PBX4: variants seen among roughly 807,000 people sequenced by gnomAD.
The protein encoded by PBX4 is PBX homeobox 4, also known as pre-B-cell leukemia transcription factor 4.
PBX4 carries 26 observed loss-of-function variants against 35.1 expected under a neutral mutation model. The observed-to-expected ratio is 0.74, with a 90% CI of 0.54 to 1.03. The LOEUF is 1.03. PBX4 is among the 50% of genes least tolerant of loss of function. PBX4 has a pLI of 0.00. For synonymous variants in PBX4, 199 were observed against 204.2 expected (o/e 0.97, Z 0.22); for missense variants, 448 against 504.3 (o/e 0.89, Z 1.07).
intron 1 of PBX4, among the ~76,000 whole-genome samples, chr19:19,614,614 C>T (rs756417600): frequency 9.9e-5 from 15 of 152,080 alleles, no homozygotes; most frequent in Middle Eastern, 3.4e-3. Context: ...CCAGCCTGAT[C>T]GCGCCACTGC....
Position 19,569,543 on chromosome 19 carries a change from A to C in PBX4, c.674T>G (p.Leu225Arg). 6.2e-7 allele frequency: 1 copy of C among 1,613,894 alleles called. No individual in the cohort carries two copies. The highest frequency in any genetic ancestry group is 8.5e-7 in the Non-Finnish European group (1 of 1,179,898). The change falls in exon 5 of 8, where the codon CTG becomes CGG. Residue 225 changes from leucine to arginine, a missense_variant. Transcript: ENST00000251203. Reference protein sequence around the residue: ...RNFSKQATEVLNEYFYSHLNN... With the variant: ...RNFSKQATEVRNEYFYSHLNN... ...CAGATGGGAGTAAAAATACTCATTC[A>C]GCACTTCCGTCGCCTGCTTGCTGAA...
At chr19:19,574,910 C>T (rs1470151138) in intron 2 of PBX4, among the ~76,000 whole-genome samples, 1 of 152,014 alleles carries the variant, frequency 6.6e-6, no homozygotes, top group East Asian at 1.9e-4. Context: ...GTCTCGAACT[C>T]CTAACTTCAG....
chr19:19,616,121 C>T (rs906351457), intron 1 of PBX4, among the ~76,000 whole-genome samples: 5 of 152,080 alleles, frequency 3.3e-5, no homozygotes, highest in Non-Finnish European at 7.4e-5. Flanking sequence ...GGACTTCAGT[C>T]CTTTCCTTTC....
chr19:19,561,882 G>A lies in PBX4; in HGVS notation c.*143C>T, dbSNP rs1301816154. The A allele has an allele frequency of 1.8e-5, 11 of 612,496 alleles. No homozygotes were observed. Among genetic ancestry groups the A allele is most frequent in the African/African-American group, 3.8e-5 (2 of 53,012 alleles). The allele number at this position is 612,496 out of a possible 1,614,324, so 37.9% of individuals were successfully genotyped here. On this transcript the variant is annotated 3_prime_UTR_variant, in exon 8 of 8. Coordinates refer to ENST00000251203, the MANE Select transcript of PBX4 (RefSeq NM_025245.3). ...CAGCAGACACATGAGCCGGCGCCAC[G>A]GGCCTGGCTGAGGAGCAGGGGCTCA... is the stretch of plus-strand genomic sequence containing the variant.
intron 2 of PBX4, chr19:19,579,734 G>C (rs2061442182): frequency 6.6e-6 from 1 of 152,400 alleles, no homozygotes; most frequent in Admixed American, 6.5e-5. Context: ...CCCCAGTTGT[G>C]AACGGAGCTG....
At chr19:19,583,027 A>G (rs188791380) in intron 2 of PBX4, among the ~76,000 whole-genome samples, 1 of 152,356 alleles carries the variant, frequency 6.6e-6, no homozygotes, top group Non-Finnish European at 1.5e-5. Context: ...CCAGCAAGAG[A>G]GCGGAGGTGG....
chr19:19,594,707 G>A (rs1010689300), intron 2 of PBX4, among the ~76,000 whole-genome samples: 1 of 152,132 alleles, frequency 6.6e-6, no homozygotes, highest in African/African-American at 2.4e-5. Flanking sequence ...ACAGCTTCCT[G>A]AGACTACAGT....
chr19:19,561,958 G>T lies in PBX4; in HGVS notation c.*67C>A. The T allele has an allele frequency of 7.0e-7, 1 of 1,419,720 alleles. No individual in the cohort carries two copies. The highest frequency in any genetic ancestry group is 9.7e-7 in the Non-Finnish European group (1 of 1,031,978). 87.9% of individuals were successfully genotyped at this position (1,419,720 alleles called of 1,614,324 possible). A position where few individuals can be genotyped will look rare whatever the true frequency, so the allele number is the denominator to read the frequency against. On this transcript the variant is annotated 3_prime_UTR_variant, in exon 8 of 8. Transcript: ENST00000251203. Reference sequence around the variant, plus strand: ...TCTGAGGTCGTCGGCGGCACGTTCAGTAACAAAGCAACGGCTGGCGATACA... The same window carrying T: ...TCTGAGGTCGTCGGCGGCACGTTCATTAACAAAGCAACGGCTGGCGATACA...
intron 2 of PBX4, among the ~76,000 whole-genome samples, chr19:19,598,949 C>G (rs547375243): frequency 1.4e-3 from 197 of 136,662 alleles, no homozygotes; most frequent in Middle Eastern, 4.0e-3. Flanking sequence ...CAGAATTTCA[C>G]TCTTGTTGCC....
chr19:19,599,484 G>A lies in PBX4; in HGVS notation c.120-119C>T, dbSNP rs1179728494. 1.0e-5 allele frequency: 8 copies of A among 797,194 alleles called. No homozygotes were observed. In the South Asian group the frequency reaches 1.0e-4, roughly 10 times the overall value. The allele number at this position is 797,194 out of a possible 1,614,324, so 49.4% of individuals were successfully genotyped here. On this transcript the variant is annotated intron_variant, in intron 1 of 7. Coordinates refer to ENST00000251203, the MANE Select transcript of PBX4 (RefSeq NM_025245.3). ...AACGAGATCTGCCACTCTGACTGTAGATAAGTCGCCTTATGAAAATGCAGT... is the reference window on the plus strand; with the variant it reads ...AACGAGATCTGCCACTCTGACTGTAAATAAGTCGCCTTATGAAAATGCAGT...
chr19:19,563,588 C>G lies in PBX4; in HGVS notation c.953G>C (p.Ser318Thr). 6.5e-7 allele frequency: 1 copy of G among 1,550,192 alleles called. No individual in the cohort carries two copies. The highest frequency in any genetic ancestry group is 8.7e-7 in the Non-Finnish European group (1 of 1,147,074). The change falls in exon 7 of 8, where the codon AGC (serine) becomes ACC (threonine). Residue 318 changes from serine (S) to threonine (T), a missense_variant. By Grantham distance (58) the Ser-to-Thr change is moderately conservative (BLOSUM62 1). Coordinates refer to ENST00000251203, the MANE Select transcript of PBX4 (RefSeq NM_025245.3). The surrounding 1 kb of genome is among the most constrained non-coding windows in gnomAD (Gnocchi z 5.1). ...CAGGGTGAGGAAGGCGTCCCCAGCGCTGGGCAGCGGGAAGGGTCCAGAGGA... is the reference window on the plus strand; with the variant it reads ...CAGGGTGAGGAAGGCGTCCCCAGCGGTGGGCAGCGGGAAGGGTCCAGAGGA... Reference protein sequence around the residue: ...SGSSGPFPLPSAGDAFLTLRT... With the variant: ...SGSSGPFPLPTAGDAFLTLRT...
chr19:19,575,855 C>G (rs2061416400), intron 2 of PBX4, among the ~76,000 whole-genome samples: 6 of 152,170 alleles, frequency 3.9e-5, no homozygotes. Flanking sequence ...GAGGTCGCGG[C>G]CAGGTGTCAT....
intron 2 of PBX4, among the ~76,000 whole-genome samples, chr19:19,573,326 A>T (rs866190433): frequency 8.6e-5 from 7 of 81,736 alleles, no homozygotes; most frequent in African/African-American, 2.9e-4. Flanking sequence ...AAAAAAAAAA[A>T]ATATACACAC....
At chr19:19,583,234 G>A (rs1292070301) in intron 2 of PBX4, among the ~76,000 whole-genome samples, 7 of 152,094 alleles carry the variant, frequency 4.6e-5, no homozygotes, top group Non-Finnish European at 7.4e-5. Context: ...GGCCGAGATC[G>A]TGCCATTGCA....
intron 2 of PBX4, among the ~76,000 whole-genome samples, chr19:19,598,693 C>T (rs1259034443): frequency 6.6e-6 from 1 of 152,100 alleles, no homozygotes; most frequent in African/African-American, 2.4e-5. Flanking sequence ...ACCTAGAATG[C>T]AGCTGCTTGT....
intron 2 of PBX4, among the ~76,000 whole-genome samples, chr19:19,575,783 C>T (rs1331030633): frequency 6.6e-6 from 1 of 152,214 alleles, no homozygotes; most frequent in Non-Finnish European, 1.5e-5. Flanking sequence ...CAGCCTCTGA[C>T]AAGCACAGAT....
chr19:19,592,251 G>A (rs967978744), intron 2 of PBX4, among the ~76,000 whole-genome samples: 1 of 152,224 alleles, frequency 6.6e-6, no homozygotes, highest in Admixed American at 6.5e-5. Flanking sequence ...TCTCAGCAAA[G>A]GGACTGTGGC....
chr19:19,572,932 T>C (rs1055170223), intron 2 of PBX4, among the ~76,000 whole-genome samples: 1 of 145,150 alleles, frequency 6.9e-6, no homozygotes, highest in African/African-American at 2.5e-5. Context: ...CAACAAATTT[T>C]ATAAACCAGG....
At chr19:19,601,607 G>T (rs1233986930) in intron 1 of PBX4, among the ~76,000 whole-genome samples, 1 of 152,170 alleles carries the variant, frequency 6.6e-6, no homozygotes, top group Non-Finnish European at 1.5e-5. Context: ...ATTATCTGGG[G>T]GGGCCTACTG....
Sources: gnomAD v4.1 joint callset for allele counts (sites outside exome capture counted in the v4.1 genomes callset) on GRCh38, gnomAD v4.1.1 for gene constraint, Gnocchi (gnomAD v3.1) non-coding constraint, MANE v1.5 for transcripts, NCBI Gene and HGNC (gene_info 2026-07-23, HGNC 2026-07-21) for gene names.